Variants in TRIM3 observed in about 807,000 individuals in gnomAD.
The protein encoded by TRIM3 is tripartite motif-containing protein 3.
A neutral mutation model predicts 66.6 loss-of-function variants in TRIM3; 13 were observed. That is an observed-to-expected ratio of 0.20 (90% CI 0.13 to 0.31). The LOEUF is 0.31. Ranked by LOEUF, TRIM3 falls within the 10% of genes least tolerant of loss-of-function variation. TRIM3 has a pLI of 1.00. For synonymous variants in TRIM3, 406 were observed against 411.7 expected, an observed-to-expected ratio of 0.99 and a Z score of 0.17; for missense variants, 711 against 1,020.4, an observed-to-expected ratio of 0.70 and a Z score of 4.13.
At chr11:6,459,810 T>C (rs1850144668) in intron 2 of TRIM3, among the ~76,000 whole-genome samples, 1 of 152,176 alleles carries the variant, frequency 6.6e-6, no homozygotes, top group Admixed American at 6.5e-5. Flanking sequence ...ACTGAGTGGA[T>C]AGTGGTGACA....
intron 2 of TRIM3, among the ~76,000 whole-genome samples, chr11:6,463,665 G>A (rs1296985775): frequency 6.6e-5 from 10 of 152,202 alleles, no homozygotes; most frequent in African/African-American, 2.2e-4. Flanking sequence ...ATATTGTATC[G>A]AAAGTGGTGT....
intron 1 of TRIM3, among the ~76,000 whole-genome samples, chr11:6,468,770 G>T (rs1850568008): frequency 1.3e-5 from 2 of 152,334 alleles, no homozygotes; most frequent in South Asian, 4.1e-4. Context: ...ACAACAGCTG[G>T]ATTACTCCAA....
At chr11:6,452,814 A>C (rs1393932839) in intron 7 of TRIM3, 1 of 152,170 alleles carries the variant, frequency 6.6e-6, no homozygotes, top group African/African-American at 2.4e-5. Flanking sequence ...CTCAATACTG[A>C]TGAGGCTTTG....
At chr11:6,474,414 G>C (rs1850857792), upstream of TRIM3, 1 of 152,252 alleles carries the variant, frequency 6.6e-6, no homozygotes, top group Admixed American at 6.5e-5. Flanking sequence ...ACCTCAGCAC[G>C]ATCTCTGGGC....
intron 2 of TRIM3, among the ~76,000 whole-genome samples, chr11:6,462,967 G>A (rs1337398813): frequency 1.3e-5 from 2 of 152,182 alleles, no homozygotes; most frequent in East Asian, 3.9e-4. Context: ...AGAACTTTGG[G>A]AGGCTGAGGC....
chr11:6,459,745 G>A lies in TRIM3; in HGVS notation c.132-1449C>T, dbSNP rs537947148. 3.9e-5 allele frequency among the ~76,000 whole-genome samples: 6 copies of A among 152,300 alleles called. No homozygotes were observed. The South Asian group carries it at 1.2e-3, about 32-fold the overall frequency. On this transcript the variant is annotated intron_variant, in intron 2 of 11. Coordinates refer to ENST00000345851, the MANE Select transcript of TRIM3 (RefSeq NM_033278.4). ...TGGGAGGTGTTGTCTGATTAGATAT[G>A]GGGAGCAAGAGAGATGATGAGTCTT...
At chr11:6,469,760 G>A (rs1850609847) in intron 1 of TRIM3, among the ~76,000 whole-genome samples, 1 of 152,202 alleles carries the variant, frequency 6.6e-6, no homozygotes, top group Admixed American at 6.5e-5. Flanking sequence ...AGACCATGAT[G>A]AGGAAGCACC....
At chr11:6,472,559 G>A (rs1175312469) in intron 1 of TRIM3, among the ~76,000 whole-genome samples, 1 of 152,060 alleles carries the variant, frequency 6.6e-6, no homozygotes, top group Non-Finnish European at 1.5e-5. Context: ...TCCCAACGAT[G>A]GACTCTTTGC....
intron 2 of TRIM3, among the ~76,000 whole-genome samples, chr11:6,459,635 A>G (rs927662258): frequency 6.6e-6 from 1 of 152,222 alleles, no homozygotes; most frequent in Non-Finnish European, 1.5e-5. Flanking sequence ...CTAGGTAGGA[A>G]GTGAAGAAGA....
At chr11:6,461,477 C>A (rs574112429) in intron 2 of TRIM3, among the ~76,000 whole-genome samples, 25 of 142,726 alleles carry the variant, frequency 1.8e-4, no homozygotes, top group African/African-American at 6.0e-4. Context: ...TCTTCCATTA[C>A]CCCCCGCACC....
At chr11:6,461,634 C>G (rs187520110) in intron 2 of TRIM3, among the ~76,000 whole-genome samples, 1 of 152,240 alleles carries the variant, frequency 6.6e-6, no homozygotes, top group Non-Finnish European at 1.5e-5. Context: ...TGCATTTCAA[C>G]CATTCTACTC....
Position 6,450,416 on chromosome 11 carries a change from T to A in TRIM3, c.1941+135A>T. On this transcript the variant is annotated intron_variant, in intron 10 of 11. Coordinates refer to ENST00000345851, the MANE Select transcript of TRIM3 (RefSeq NM_033278.4). The surrounding 1 kb of genome is among the most constrained non-coding windows in gnomAD (Gnocchi z 4.8). ...CATACTGCCTGGGACAAAGCAGCCA[T>A]GCATAAATGTGTAAATGTGTATTGT... 1.3e-6 allele frequency: 1 copy of A among 761,130 alleles called. No individual in the cohort carries two copies. 47.1% of individuals were successfully genotyped at this position (761,130 alleles called of 1,614,324 possible).
chr11:6,450,376 A>G lies in TRIM3; in HGVS notation c.1941+175T>C. 1.6e-6 allele frequency: 1 copy of G among 622,736 alleles called. No individual in the cohort carries two copies. Among genetic ancestry groups the G allele is most frequent in the South Asian group, 2.0e-5 (1 of 50,984 alleles). 38.6% of individuals were successfully genotyped at this position (622,736 alleles called of 1,614,324 possible). On this transcript the variant is annotated intron_variant, in intron 10 of 11. Coordinates refer to ENST00000345851, the MANE Select transcript of TRIM3 (RefSeq NM_033278.4). This position sits in a 1 kb window ranked among gnomAD's most constrained non-coding sequence, Gnocchi z 4.8. ...ATACATTTGCTTTGTGCATCACTGT[A>G]TCTCCAGCTTCTAGCATACTGCCTG...
At position 6,450,321 on chromosome 11, in the gene TRIM3, C is replaced by T; in HGVS notation, c.1941+230G>A. 1 of 548,050 alleles carries T rather than the reference C, an allele frequency of 1.8e-6. No homozygotes were observed. Among genetic ancestry groups the T allele is most frequent in the Non-Finnish European group, 3.2e-6 (1 of 308,764 alleles). The allele number at this position is 548,050 out of a possible 1,614,324, so 33.9% of individuals were successfully genotyped here. ...ATTTTTTGGTTACCTTTTTCTCTTC[C>T]CTACTAGACTATAATCAAGAAGACA... On this transcript the variant is annotated intron_variant, in intron 10 of 11. Coordinates refer to ENST00000345851, the MANE Select transcript of TRIM3 (RefSeq NM_033278.4). This position sits in a 1 kb window ranked among gnomAD's most constrained non-coding sequence, Gnocchi z 4.8.
chr11:6,449,135 C>T lies in TRIM3; in HGVS notation c.2128G>A (p.Ala710Thr). The T allele has an allele frequency of 6.2e-7, 1 of 1,614,156 alleles. No individual in the cohort carries two copies. ...GSFLSYINTS[A>T]EPLYGPQGLA... ...CCCTGTGGACCATACAGTGGTTCTG[C>T]AGATGTGTTGATATAGGACAGGAAG... is the stretch of plus-strand genomic sequence containing the variant. Residue 710 changes from alanine (A) to threonine (T), a missense_variant, in exon 12 of 12, where the codon GCA becomes ACA. This residue lies in a region of TRIM3 where 163 missense variants were observed against 321.9 expected (regional missense o/e 0.51). Transcript: ENST00000345851. The surrounding 1 kb of genome is among the most constrained non-coding windows in gnomAD (Gnocchi z 5.3).
chr11:6,470,913 G>T (rs1184002900), intron 1 of TRIM3, among the ~76,000 whole-genome samples: 1 of 152,216 alleles, frequency 6.6e-6, no homozygotes, highest in Admixed American at 6.5e-5. Context: ...AGGGAGAAGA[G>T]AACTTCATGA....
At chr11:6,467,851 T>A (rs995762819) in intron 1 of TRIM3, among the ~76,000 whole-genome samples, 16 of 152,200 alleles carry the variant, frequency 1.1e-4, no homozygotes, top group Admixed American at 5.2e-4. Flanking sequence ...AGAAAGCTAC[T>A]CTGGCAAGCT....
intron 1 of TRIM3, among the ~76,000 whole-genome samples, chr11:6,470,932 G>A (rs1349077500): frequency 6.6e-6 from 1 of 152,212 alleles, no homozygotes; most frequent in Admixed American, 6.5e-5. Flanking sequence ...GAACAAGGGA[G>A]TGAAATGCTG....
In TRIM3 at chr11:6,450,280, A is replaced by G. The variant is rs1235098772; in HGVS notation, c.1941+271T>C. 13 of 499,282 alleles carry G rather than the reference A, an allele frequency of 2.6e-5. No individual in the cohort carries two copies. The highest frequency in any genetic ancestry group is 4.0e-5 in the Non-Finnish European group (11 of 278,302). 30.9% of individuals were successfully genotyped at this position (499,282 alleles called of 1,614,324 possible). On this transcript the variant is annotated intron_variant, in intron 10 of 11. Coordinates refer to ENST00000345851, the MANE Select transcript of TRIM3 (RefSeq NM_033278.4). This position sits in a 1 kb window ranked among gnomAD's most constrained non-coding sequence, Gnocchi z 4.8. ...CCTGCACCTTCCTATCACAGAATCTATTACATCATATTGTAATTTTTTGGT... is the reference window on the plus strand; with the variant it reads ...CCTGCACCTTCCTATCACAGAATCTGTTACATCATATTGTAATTTTTTGGT...
Sources: allele counts gnomAD v4.1 joint callset (sites outside exome capture counted in the v4.1 genomes callset), GRCh38; gene constraint gnomAD v4.1.1; regional missense constraint gnomAD v4.1.1; non-coding constraint Gnocchi (gnomAD v3.1); transcripts MANE v1.5; gene names NCBI Gene and HGNC (gene_info 2026-07-23, HGNC 2026-07-21).